CPPED1: variants seen among roughly 807,000 people sequenced by gnomAD.
CPPED1 encodes the protein calcineurin like phosphoesterase domain containing 1.
A neutral mutation model predicts 28.0 loss-of-function variants in CPPED1; 28 were observed. The observed-to-expected ratio is 1.00, with a 90% CI of 0.74 to 1.37. The LOEUF (loss-of-function observed/expected upper bound fraction) is 1.37, where lower values mean the gene tolerates loss of function less well. Among genes scored for constraint, CPPED1 ranks in the 40% most tolerant of loss-of-function variants. CPPED1 has a pLI of 0.00. For missense variants in CPPED1, 504 were observed against 416.5 expected (o/e 1.21, Z -1.83); for synonymous variants, 198 against 180.2 (o/e 1.10, Z -0.79).
chr16:12,767,329 T>C (rs892512563), intron 2 of CPPED1, among the ~76,000 whole-genome samples: 3 of 152,216 alleles, frequency 2.0e-5, no homozygotes, highest in Admixed American at 1.3e-4. Context: ...CTTTTTGTTC[T>C]ATTCAAACCC....
chr16:12,782,347 T>C (rs1170349506), intron 1 of CPPED1, among the ~76,000 whole-genome samples: 1 of 152,146 alleles, frequency 6.6e-6, no homozygotes, highest in Non-Finnish European at 1.5e-5. Context: ...CAAAGAAGCT[T>C]GCTCTTACAG....
intron 2 of CPPED1, among the ~76,000 whole-genome samples, chr16:12,772,057 A>C (rs912760535): frequency 6.6e-6 from 1 of 152,174 alleles, no homozygotes; most frequent in Admixed American, 6.6e-5. Flanking sequence ...CGGGAGGCGG[A>C]GGTTGCAGTG....
chr16:12,673,769 G>A (rs938901), intron 3 of CPPED1, among the ~76,000 whole-genome samples: 109,400 of 152,144 alleles, frequency 0.72, 43,782 homozygotes, highest in Non-Finnish European at 0.92. Context: ...AGATGAGGCC[G>A]GGTGCGGTGG....
At chr16:12,694,770 TA>T (rs1235823425) in intron 3 of CPPED1, among the ~76,000 whole-genome samples, 8 of 146,016 alleles carry the variant, frequency 5.5e-5, no homozygotes, top group African/African-American at 8.0e-5. Flanking sequence ...GATAGTTTTT[TA>T]AAAACCCCCC....
At chr16:12,713,445 A>C (rs1158596063) in intron 2 of CPPED1, among the ~76,000 whole-genome samples, 1 of 152,076 alleles carries the variant, frequency 6.6e-6, no homozygotes, top group Non-Finnish European at 1.5e-5. Context: ...GGCTTGCTGC[A>C]ATCTCTGCCT....
chr16:12,802,662 A>AG (rs1305365492), intron 1 of CPPED1, among the ~76,000 whole-genome samples: 1 of 152,222 alleles, frequency 6.6e-6, no homozygotes, highest in African/African-American at 2.4e-5. Context: ...ATAAGGTAGC[A>AG]GGTAAAGTCT....
At chr16:12,751,500 G>A (rs745452128) in intron 2 of CPPED1, among the ~76,000 whole-genome samples, 18 of 152,120 alleles carry the variant, frequency 1.2e-4, no homozygotes, top group Admixed American at 9.2e-4. Flanking sequence ...TTCCTCCTTC[G>A]TAGAATACAG....
At chr16:12,788,504 T>C (rs1368945164) in intron 1 of CPPED1, among the ~76,000 whole-genome samples, 1 of 152,148 alleles carries the variant, frequency 6.6e-6, no homozygotes, top group Admixed American at 6.5e-5. Context: ...AAATTGTCAG[T>C]GCTGGAAGGA....
At chr16:12,778,997 G>A (rs1284789310) in intron 2 of CPPED1, among the ~76,000 whole-genome samples, 1 of 152,114 alleles carries the variant, frequency 6.6e-6, no homozygotes, top group African/African-American at 2.4e-5. Context: ...AATTTATAGT[G>A]TTTAATGTAT....
chr16:12,801,690 C>G (rs774510681), intron 1 of CPPED1, among the ~76,000 whole-genome samples: 2 of 152,054 alleles, frequency 1.3e-5, no homozygotes, highest in African/African-American at 2.4e-5. Context: ...GGGCAAAAAC[C>G]AGAAACAACT....
intron 3 of CPPED1, among the ~76,000 whole-genome samples, chr16:12,688,115 G>A (rs1040624842): frequency 1.3e-5 from 2 of 150,252 alleles, no homozygotes; most frequent in African/African-American, 4.9e-5. Flanking sequence ...CTGCAGCCTC[G>A]ACCACCCCAG....
At chr16:12,764,496 C>A (rs958612947) in intron 2 of CPPED1, among the ~76,000 whole-genome samples, 1 of 152,138 alleles carries the variant, frequency 6.6e-6, no homozygotes, top group Non-Finnish European at 1.5e-5. Context: ...AGCCACCACA[C>A]CTGGCCAAAT....
At chr16:12,777,647 G>T (rs1041639375) in intron 2 of CPPED1, among the ~76,000 whole-genome samples, 1 of 152,090 alleles carries the variant, frequency 6.6e-6, no homozygotes, top group African/African-American at 2.4e-5. Context: ...TATCTCTTAA[G>T]GATTTTCCTA....
chr16:12,731,436 TGGGTCCCCC>T (rs1310081217), intron 2 of CPPED1, among the ~76,000 whole-genome samples: 2 of 151,374 alleles, frequency 1.3e-5, no homozygotes, highest in African/African-American at 4.9e-5. Context: ...TGCTGGGGCA[TGGGTCCCCC>T]GGGGAAAACA....
intron 2 of CPPED1, among the ~76,000 whole-genome samples, chr16:12,764,059 A>T (rs1042855120): frequency 7.3e-5 from 11 of 150,486 alleles, no homozygotes; most frequent in Non-Finnish European, 1.5e-5. Context: ...ACAAAAAGCT[A>T]CACATGCAAG....
At chr16:12,738,723 C>T (rs1567291398) in intron 2 of CPPED1, among the ~76,000 whole-genome samples, 1 of 152,104 alleles carries the variant, frequency 6.6e-6, no homozygotes, top group Non-Finnish European at 1.5e-5. Flanking sequence ...TAGTAGCCTA[C>T]CATACAAGGT....
intron 2 of CPPED1, among the ~76,000 whole-genome samples, chr16:12,732,513 G>C (rs1288751177): frequency 1.3e-5 from 2 of 149,636 alleles, no homozygotes; most frequent in Non-Finnish European, 1.5e-5. Flanking sequence ...GAGAGAGAGA[G>C]AGAGACAGAG....
chr16:12,715,834 G>A (rs2080104511), intron 2 of CPPED1, among the ~76,000 whole-genome samples: 1 of 152,142 alleles, frequency 6.6e-6, no homozygotes, highest in African/African-American at 2.4e-5. Flanking sequence ...AGCCCCAATG[G>A]GATGGTTTTA....
chr16:12,730,642 A>G (rs372111386), intron 2 of CPPED1, among the ~76,000 whole-genome samples: 2 of 152,236 alleles, frequency 1.3e-5, no homozygotes, highest in African/African-American at 4.8e-5. Context: ...ACATGTAATA[A>G]CACAGATGAA....
Sources: allele counts gnomAD v4.1 joint callset (sites outside exome capture counted in the v4.1 genomes callset), GRCh38; gene constraint gnomAD v4.1.1; transcripts MANE v1.5; gene names NCBI Gene and HGNC (gene_info 2026-07-23, HGNC 2026-07-21).